Variants in REEP3 observed in about 807,000 individuals in gnomAD.
REEP3 encodes the protein receptor accessory protein 3.
Under a neutral mutation model 41.3 loss-of-function variants are expected in REEP3, and 20 were observed. The observed-to-expected ratio is 0.48, with a 90% CI of 0.34 to 0.70. The LOEUF is 0.70. REEP3 is among the 30% of genes least tolerant of loss of function. REEP3 has a pLI of 0.01. For synonymous variants in REEP3, 104 were observed against 101.8 expected (o/e 1.02, Z -0.13); for missense variants, 271 against 308.8 (o/e 0.88, Z 0.92).
At chr10:63,565,667 G>A (rs1257482475) in intron 1 of REEP3, among the ~76,000 whole-genome samples, 1 of 152,148 alleles carries the variant, frequency 6.6e-6, no homozygotes, top group East Asian at 1.9e-4. Context: ...TGGATAAATA[G>A]TGGGATTTGT....
At chr10:63,533,710 CTT>C (rs71025187) in intron 1 of REEP3, among the ~76,000 whole-genome samples, 14 of 101,012 alleles carry the variant, frequency 1.4e-4, no homozygotes, top group Admixed American at 2.0e-4. Flanking sequence ...GTATGTAAAT[CTT>C]TTTTTTTTTT....
intron 1 of REEP3, among the ~76,000 whole-genome samples, chr10:63,530,757 T>C (rs1362050607): frequency 6.6e-6 from 1 of 152,216 alleles, no homozygotes; most frequent in Admixed American, 6.5e-5. Context: ...TAGATGAAAC[T>C]GTTCAAATAA....
At chr10:63,550,872 G>A (rs1955622813) in intron 1 of REEP3, among the ~76,000 whole-genome samples, 1 of 152,192 alleles carries the variant, frequency 6.6e-6, no homozygotes, top group African/African-American at 2.4e-5. Flanking sequence ...TGCTTTCAAT[G>A]TAGGAAAGTC....
At chr10:63,584,544 A>G (rs998485261) in intron 2 of REEP3, among the ~76,000 whole-genome samples, 3 of 152,082 alleles carry the variant, frequency 2.0e-5, no homozygotes, top group Non-Finnish European at 4.4e-5. Flanking sequence ...CTGAGAAAAA[A>G]TCCCGTAACC....
intron 5 of REEP3, among the ~76,000 whole-genome samples, chr10:63,601,919 C>G (rs889180630): frequency 2.6e-5 from 4 of 151,622 alleles, no homozygotes. Flanking sequence ...GAAACTCCAT[C>G]TCAAAAAATA....
At chr10:63,597,675 G>A (rs947709907) in intron 3 of REEP3, among the ~76,000 whole-genome samples, 1 of 152,204 alleles carries the variant, frequency 6.6e-6, no homozygotes. Context: ...ACTTTGGGAG[G>A]CCGAGGTGGG....
intron 2 of REEP3, among the ~76,000 whole-genome samples, chr10:63,579,046 G>C (rs1382134934): frequency 6.7e-6 from 1 of 148,352 alleles, no homozygotes; most frequent in East Asian, 2.1e-4. Context: ...TTTTTTGGGG[G>C]GGGGGAGATG....
intron 1 of REEP3, among the ~76,000 whole-genome samples, chr10:63,556,037 T>G (rs984020462): frequency 1.3e-5 from 2 of 152,196 alleles, no homozygotes; most frequent in Non-Finnish European, 2.9e-5. Flanking sequence ...ACATTTCCTC[T>G]GGGGGAAAAA....
At chr10:63,611,379 C>G (rs569966513) in intron 6 of REEP3, among the ~76,000 whole-genome samples, 2 of 152,230 alleles carry the variant, frequency 1.3e-5, no homozygotes, top group East Asian at 1.9e-4. Flanking sequence ...TAAGATTACT[C>G]CCATGGAAAA....
At chr10:63,556,614 G>T (rs1401500964) in intron 1 of REEP3, among the ~76,000 whole-genome samples, 9 of 12,868 alleles carry the variant, frequency 7.0e-4, no homozygotes, top group African/African-American at 1.8e-3. Context: ...CTGTTTGCTT[G>T]TTTTTTTTTT....
At chr10:63,605,458 G>A (rs1037899922) in intron 5 of REEP3, among the ~76,000 whole-genome samples, 1 of 152,076 alleles carries the variant, frequency 6.6e-6, no homozygotes, top group Non-Finnish European at 1.5e-5. Context: ...ATTCTTTACT[G>A]AATAGTATAA....
At position 63,610,318 on chromosome 10, in the gene REEP3, C is replaced by A; in HGVS notation, c.549C>A (p.Ala183=). 4 of 1,555,790 alleles carry A rather than the reference C, an allele frequency of 2.6e-6. No homozygotes were observed. The highest frequency in any genetic ancestry group is 3.5e-6 in the Non-Finnish European group (4 of 1,148,774). ...LPEAKKKSKP[A]PSESAGYGIP... ...AAGCAAAAAAGAAAAGTAAACCAGC[C>A]CCCAGTGAATCAGCAGGTGTGCTTG... is the stretch of plus-strand genomic sequence containing the variant. Residue 183 remains alanine (A), a synonymous_variant, in exon 6 of 8, where the codon GCC becomes GCA. Transcript: ENST00000373758.
At chr10:63,538,720 C>T (rs567201189) in intron 1 of REEP3, among the ~76,000 whole-genome samples, 5 of 152,038 alleles carry the variant, frequency 3.3e-5, no homozygotes, top group Admixed American at 1.3e-4. Context: ...GGCGACAGAG[C>T]GAGACTCCAT....
At chr10:63,592,537 G>A (rs1297060251) in intron 2 of REEP3, among the ~76,000 whole-genome samples, 1 of 152,178 alleles carries the variant, frequency 6.6e-6, no homozygotes, top group East Asian at 1.9e-4. Context: ...TCAGTTTGTA[G>A]TCATTTTTTC....
At chr10:63,530,289 A>G (rs565206116) in intron 1 of REEP3, among the ~76,000 whole-genome samples, 2 of 152,256 alleles carry the variant, frequency 1.3e-5, no homozygotes, top group Non-Finnish European at 2.9e-5. Context: ...TAAAATCTCA[A>G]TGATAGCTAA....
chr10:63,566,940 C>T (rs1171981292), intron 2 of REEP3, among the ~76,000 whole-genome samples: 3 of 152,000 alleles, frequency 2.0e-5, no homozygotes, highest in Non-Finnish European at 4.4e-5. Flanking sequence ...TTTTAGTTTC[C>T]TCTTCCCTAT....
chr10:63,524,483 G>T (rs527479744), intron 1 of REEP3, among the ~76,000 whole-genome samples: 1 of 151,472 alleles, frequency 6.6e-6, no homozygotes, highest in Non-Finnish European at 1.5e-5. Flanking sequence ...TGTCGCCCAC[G>T]CTGGAGTGCG....
Position 63,617,812 on chromosome 10 carries a change from C to CT in REEP3, c.566-1816dup, listed in dbSNP as rs60910642. On this transcript the variant is annotated intron_variant, in intron 6 of 7. Coordinates refer to ENST00000373758, the MANE Select transcript of REEP3 (RefSeq NM_001001330.3). ...TCCTAAGCCTGGAAATCCTTCTACT[C>CT]TTTTTTTTTTTTTTTTTTTTTTTTT... Among the ~76,000 whole-genome samples, 185 of 83,546 alleles carry CT rather than the reference C, an allele frequency of 2.2e-3. 8 individuals are homozygous for CT. The highest frequency in any genetic ancestry group is 3.3e-3 in the Admixed American group (22 of 6,758). The allele number at this position is 83,546 out of a possible 152,430, so 54.8% of individuals were successfully genotyped here. A position where few individuals can be genotyped will look rare whatever the true frequency, so the allele number is the denominator to read the frequency against.
In REEP3 at chr10:63,531,576, A is replaced by T. The variant is rs1425133336; in HGVS notation, c.32+9999A>T. ...GTGGCTATTTAAATGTAAATTAATTAAAAATTAAATTTCTCAATACACTAG... is the reference window on the plus strand; with the variant it reads ...GTGGCTATTTAAATGTAAATTAATTTAAAATTAAATTTCTCAATACACTAG... On this transcript the variant is annotated intron_variant, in intron 1 of 7. Transcript: ENST00000373758. 2.6e-5 allele frequency among the ~76,000 whole-genome samples: 4 copies of T among 152,230 alleles called. No individual in the cohort carries two copies. The East Asian group carries it at 7.7e-4, about 29-fold the overall frequency.
Sources: gnomAD v4.1 joint callset for allele counts (sites outside exome capture counted in the v4.1 genomes callset) on GRCh38, gnomAD v4.1.1 for gene constraint, MANE v1.5 for transcripts, NCBI Gene and HGNC (gene_info 2026-07-23, HGNC 2026-07-21) for gene names.